The following ZDHHC3 variants were observed in gnomAD, a reference collection of about 807,000 sequenced individuals.
The protein encoded by ZDHHC3 is palmitoyltransferase ZDHHC3.
In ZDHHC3, 9 loss-of-function variants were observed where a neutral mutation model predicts 30.6. That is an observed-to-expected ratio of 0.29 (90% confidence interval 0.18 to 0.51). ZDHHC3 has a LOEUF of 0.51. ZDHHC3 is among the 20% of genes least tolerant of loss of function. The pLI, the probability that ZDHHC3 is intolerant of heterozygous loss-of-function variation, is 0.97. For synonymous variants in ZDHHC3, 136 were observed against 140.2 expected (o/e 0.97, Z 0.21); for missense variants, 246 against 384.2 (o/e 0.64, Z 3.01).
At chr3:44,940,336 C>T (rs1003520711) in intron 3 of ZDHHC3, among the ~76,000 whole-genome samples, 1 of 152,184 alleles carries the variant, frequency 6.6e-6, no homozygotes, top group Non-Finnish European at 1.5e-5. Context: ...AGACTAAGAG[C>T]CTCTTCCACA....
chr3:44,974,787 T>G (rs1043110195), intron 1 of ZDHHC3, among the ~76,000 whole-genome samples: 3 of 152,202 alleles, frequency 2.0e-5, no homozygotes, highest in Non-Finnish European at 4.4e-5. Flanking sequence ...AGCAGTTTAA[T>G]GCTTAAGAAT....
rs1159371095 is a variant in ZDHHC3, at chr3:44,918,356, G to A, written c.*8333C>T. 1.1e-5 allele frequency: 11 copies of A among 985,360 alleles called. No homozygotes were observed. The South Asian group carries it at 1.9e-4, about 17-fold the overall frequency. The allele number at this position is 985,360 out of a possible 1,614,324, so 61.0% of individuals were successfully genotyped here. Reference sequence around the variant, plus strand: ...TGCTGGGGTGTGGGTGGACAGCAGCGTGGAGGAACACAGCAAGCAGGGCCC... The same window carrying A: ...TGCTGGGGTGTGGGTGGACAGCAGCATGGAGGAACACAGCAAGCAGGGCCC... On this transcript the variant is annotated 3_prime_UTR_variant, in exon 7 of 7. Coordinates refer to ENST00000424952, the MANE Select transcript of ZDHHC3 (RefSeq NM_001135179.2).
intron 1 of ZDHHC3, among the ~76,000 whole-genome samples, chr3:44,963,500 CAA>C (rs11446885): frequency 6.8e-6 from 1 of 146,244 alleles, no homozygotes. Context: ...AGAAATATGG[CAA>C]AAAAAAAAAA....
rs1182266476 is a variant in ZDHHC3 at position 44,924,799 on chromosome 3, A to C, written c.*1890T>G. ...GAAAAAATTTTAAAAAAGCATATGG[A>C]AAACAAATGCTATCAACTTGATCTA... On this transcript the variant is annotated 3_prime_UTR_variant, in exon 7 of 7. Transcript: ENST00000424952. 8.1e-6 allele frequency: 8 copies of C among 985,378 alleles called. No homozygotes were observed. 61.0% of individuals were successfully genotyped at this position (985,378 alleles called of 1,614,324 possible). A position where few individuals can be genotyped will look rare whatever the true frequency, so the allele number is the denominator to read the frequency against.
chr3:44,940,330 T>C (rs889578652), intron 3 of ZDHHC3, among the ~76,000 whole-genome samples: 1 of 152,160 alleles, frequency 6.6e-6, no homozygotes, highest in African/African-American at 2.4e-5. Flanking sequence ...GATCACAGAC[T>C]AAGAGCCTCT....
Position 44,926,680 on chromosome 3 carries a change from C to T in ZDHHC3, c.*9G>A. ...CTTGTGTCTGAGTGGCCATGCCGGT[C>T]GGGGTCCTTCAGACCACATACTGGT... On this transcript the variant is annotated 3_prime_UTR_variant, in exon 7 of 7. Coordinates refer to ENST00000424952, the MANE Select transcript of ZDHHC3 (RefSeq NM_001135179.2). 5 of 1,584,062 alleles carry T rather than the reference C, an allele frequency of 3.2e-6. No individual in the cohort carries two copies. Among genetic ancestry groups the T allele is most frequent in the African/African-American group, 1.4e-5 (1 of 73,672 alleles).
intron 3 of ZDHHC3, among the ~76,000 whole-genome samples, chr3:44,943,751 A>T (rs1702651387): frequency 6.6e-6 from 1 of 152,150 alleles, no homozygotes; most frequent in African/African-American, 2.4e-5. Flanking sequence ...CACACCTGTA[A>T]TCCCAACACT....
chr3:44,927,972 T>C (rs1341122015), intron 6 of ZDHHC3, among the ~76,000 whole-genome samples: 1 of 152,130 alleles, frequency 6.6e-6, no homozygotes, highest in East Asian at 1.9e-4. Flanking sequence ...AACACAATTC[T>C]CTTTAGGAAT....
chr3:44,920,453 T>A lies in ZDHHC3; in HGVS notation c.*6236A>T. ...CAGACTGGCTGCATCCACACTGACT[T>A]GGACTCAAAGCCATGACCATAGGTT... On this transcript the variant is annotated 3_prime_UTR_variant, in exon 7 of 7. Transcript: ENST00000424952. The A allele has an allele frequency of 1.6e-6, 2 of 1,238,578 alleles. 1 individual carries two copies. The highest frequency in any genetic ancestry group is 2.7e-5 in the South Asian group (2 of 73,346). 76.7% of individuals were successfully genotyped at this position (1,238,578 alleles called of 1,614,324 possible).
rs1464960663 is a variant in ZDHHC3 at position 44,924,839 on chromosome 3, T to G, written c.*1850A>C. On this transcript the variant is annotated 3_prime_UTR_variant, in exon 7 of 7. Transcript: ENST00000424952. The stretch of plus-strand genomic sequence containing the variant: ...AACTTGATCTAAAACAGCATTCTTT[T>G]CTTTTTAATCTTAGCATCTCAGCCT... 1.0e-6 allele frequency: 1 copy of G among 985,432 alleles called. No homozygotes were observed. The highest frequency in any genetic ancestry group is 1.7e-5 in the African/African-American group (1 of 57,240). 61.0% of individuals were successfully genotyped at this position (985,432 alleles called of 1,614,324 possible).
At chr3:44,968,192 C>A (rs1020618426) in intron 1 of ZDHHC3, among the ~76,000 whole-genome samples, 2 of 152,042 alleles carry the variant, frequency 1.3e-5, no homozygotes, top group African/African-American at 4.8e-5. Flanking sequence ...AGGAGTTGTA[C>A]TTCCTGCTCC....
Position 44,918,528 on chromosome 3 carries a change from A to G in ZDHHC3, c.*8161T>C, listed in dbSNP as rs1700367489. 3.0e-6 allele frequency: 3 copies of G among 985,302 alleles called. No individual in the cohort carries two copies. The South Asian group carries it at 1.4e-4, about 46-fold the overall frequency. 61.0% of individuals were successfully genotyped at this position (985,302 alleles called of 1,614,324 possible). ...CACACATCCTCTGAGGCCACTACAA[A>G]CTGGTGATCCCCTCCTAAATATTTT... On this transcript the variant is annotated 3_prime_UTR_variant, in exon 7 of 7. Transcript: ENST00000424952.
intron 1 of ZDHHC3, among the ~76,000 whole-genome samples, chr3:44,963,533 A>C (rs1436300948): frequency 6.7e-6 from 1 of 150,302 alleles, no homozygotes; most frequent in Non-Finnish European, 1.5e-5. Flanking sequence ...AACAAACTGT[A>C]TATGTTCCCT....
intron 2 of ZDHHC3, among the ~76,000 whole-genome samples, chr3:44,954,939 C>T (rs1271131623): frequency 6.6e-6 from 1 of 152,124 alleles, no homozygotes; most frequent in Non-Finnish European, 1.5e-5. Context: ...TTTCTGAGTC[C>T]AGTTTGTCTT....
intron 1 of ZDHHC3, among the ~76,000 whole-genome samples, chr3:44,971,095 A>G (rs186329481): frequency 4.5e-4 from 69 of 152,352 alleles, no homozygotes; most frequent in African/African-American, 1.4e-3. Context: ...TGGTTTAGAA[A>G]CATACACTTC....
rs1166945073 is a variant in ZDHHC3 at position 44,975,978 on chromosome 3, CCCGCCG to C, written c.-76_-71del. 1.3e-5 allele frequency: 4 copies of C among 316,398 alleles called. No individual in the cohort carries two copies. Among genetic ancestry groups the C allele is most frequent in the African/African-American group, 4.4e-5 (2 of 45,946 alleles). 19.6% of individuals were successfully genotyped at this position (316,398 alleles called of 1,614,324 possible). Reference sequence around the variant, plus strand: ...CCCAGTCCCAGACCCCGGTGGGGCTCCCGCCGCCGCCGCCGCTGCCTTCCCCTGCAG... The same window carrying C: ...CCCAGTCCCAGACCCCGGTGGGGCTCCCGCCGCCGCTGCCTTCCCCTGCAG... On this transcript the variant is annotated 5_prime_UTR_variant, in exon 1 of 7. Transcript: ENST00000424952.
chr3:44,955,942 T>G (rs1703915882), intron 2 of ZDHHC3, among the ~76,000 whole-genome samples: 1 of 152,208 alleles, frequency 6.6e-6, no homozygotes, highest in Non-Finnish European at 1.5e-5. Context: ...AAATTCTTCA[T>G]TTTTGGGGCC....
At chr3:44,947,079 T>G (rs2125873339) in intron 2 of ZDHHC3, among the ~76,000 whole-genome samples, 1 of 152,326 alleles carries the variant, frequency 6.6e-6, no homozygotes, top group Middle Eastern at 3.4e-3. Flanking sequence ...TTCTGAGATC[T>G]GAATCTACAA....
At chr3:44,953,547 TA>T in intron 2 of ZDHHC3, among the ~76,000 whole-genome samples, 1 of 152,266 alleles carries the variant, frequency 6.6e-6, no homozygotes, top group South Asian at 2.1e-4. Flanking sequence ...AAAACCTGCT[TA>T]AATTGTTTCA....
Sources: allele counts gnomAD v4.1 joint callset (sites outside exome capture counted in the v4.1 genomes callset), GRCh38; gene constraint gnomAD v4.1.1; transcripts MANE v1.5; gene names NCBI Gene and HGNC (gene_info 2026-07-23, HGNC 2026-07-21).